DHX30: variants seen among roughly 807,000 people sequenced by gnomAD.
The protein encoded by DHX30 is ATP-dependent RNA helicase DHX30.
DHX30 carries 4 observed loss-of-function variants against 116.9 expected under a neutral mutation model. The ratio of observed to expected loss-of-function variants is 0.03; its 90% CI spans 0.02 to 0.08. The LOEUF (loss-of-function observed/expected upper bound fraction) is 0.08. Among genes scored for constraint, DHX30 ranks in the 10% least tolerant of loss-of-function variants. The pLI, the probability that DHX30 is intolerant of heterozygous loss-of-function variation, is 1.00. For synonymous variants in DHX30, 697 were observed against 651.7 expected, an observed-to-expected ratio of 1.07 and a Z score of -1.06; for missense variants, 871 against 1,595.1, an observed-to-expected ratio of 0.55 and a Z score of 7.73.
intron 3 of DHX30, chr3:47,816,447 T>G (rs1479935172): frequency 3.1e-6 from 3 of 974,378 alleles, no homozygotes; most frequent in Non-Finnish European, 3.6e-6. Context: ...ATCCTCCGCC[T>G]CCCGGGTTCA....
Position 47,810,710 on chromosome 3 carries a change from A to C in DHX30, c.27A>C (p.Lys9Asn). The C allele has an allele frequency of 6.2e-7, 1 of 1,614,076 alleles. No homozygotes were observed. Among genetic ancestry groups the C allele is most frequent in the Non-Finnish European group, 8.5e-7 (1 of 1,179,948 alleles). ...TGTTCAGCCTGGACTCATTCAGAAAAGGTAAGACTGCAACTGTGCTTGTGA... is the reference window on the plus strand; with the variant it reads ...TGTTCAGCCTGGACTCATTCAGAAACGGTAAGACTGCAACTGTGCTTGTGA... MFSLDSFRKDRAQHRQRQC... is the reference protein window; with the variant it reads MFSLDSFRNDRAQHRQRQC... The change falls in exon 3 of 22, where the codon AAA becomes AAC. Residue 9 changes from lysine to asparagine, a missense_variant and splice_region_variant. Coordinates refer to ENST00000445061, the MANE Select transcript of DHX30 (RefSeq NM_138615.3).
In DHX30 at chr3:47,847,546, C is replaced by A; in HGVS notation, c.2110+10C>A. On this transcript the variant is annotated intron_variant, in intron 13 of 21. Coordinates refer to ENST00000445061, the MANE Select transcript of DHX30 (RefSeq NM_138615.3). This position sits in a 1 kb window ranked among gnomAD's most constrained non-coding sequence, Gnocchi z 5.5. ...TACCTCATCCTGCCAGGTGAGAGCC[C>A]CGGCGGAGGGACCAGGGACCTTTGG... The A allele has an allele frequency of 6.3e-7, 1 of 1,588,336 alleles. No individual in the cohort carries two copies. Among genetic ancestry groups the A allele is most frequent in the Admixed American group, 1.8e-5 (1 of 56,226 alleles).
At chr3:47,824,981 C>T in intron 4 of DHX30, 1 of 534,110 alleles carries the variant, frequency 1.9e-6, no homozygotes, top group Middle Eastern at 4.7e-4. Context: ...GGGCCGGCCG[C>T]TCCCGTTCTC....
intron 2 of DHX30, among the ~76,000 whole-genome samples, chr3:47,809,343 G>A (rs1176166860): frequency 2.2e-5 from 3 of 134,704 alleles, no homozygotes; most frequent in African/African-American, 5.5e-5. Context: ...CTGGGTTCAC[G>A]CCATTCTCCT....
chr3:47,827,679 A>C, intron 5 of DHX30, among the ~76,000 whole-genome samples: 1 of 152,176 alleles, frequency 6.6e-6, no homozygotes, highest in East Asian at 1.9e-4. Context: ...AACACAGGGC[A>C]AATGAGGTGC....
At chr3:47,838,220 G>A (rs1428858208) in intron 6 of DHX30, among the ~76,000 whole-genome samples, 1 of 152,164 alleles carries the variant, frequency 6.6e-6, no homozygotes, top group Non-Finnish European at 1.5e-5. Context: ...TGGCCCCATC[G>A]TCTGTCCCAT....
rs189219993 is a variant in DHX30, at chr3:47,808,418, A to G, written c.-27-2239A>G. 6.2e-4 allele frequency among the ~76,000 whole-genome samples: 93 copies of G among 150,908 alleles called. 1 individual carries two copies. Among genetic ancestry groups the G allele is most frequent in the African/African-American group, 1.6e-3 (64 of 41,046 alleles). On this transcript the variant is annotated intron_variant, in intron 2 of 21. Transcript: ENST00000445061. ...TTTTTTTTAGAGATGCGGTCTCACT[A>G]TGTTGCCCAGGCTGGTCTTGAACTC...
chr3:47,846,893 C>T lies in DHX30; in HGVS notation c.1821C>T (p.Pro607=), dbSNP rs760943698. The T allele has an allele frequency of 6.6e-5, 106 of 1,613,096 alleles. No homozygotes were observed. The highest frequency in any genetic ancestry group is 5.0e-4 in the Admixed American group (30 of 59,990). ...TCTCCCGATACTTTGGTGGCTGCCC[C>T]GTCATCAAGGTGCCTGGCTTCATGT... ...ERFSRYFGGC[P]VIKVPGFMYP... is the part of the protein sequence containing the mutation. The change falls in exon 11 of 22, where the codon CCC becomes CCT. Residue 607 remains proline (P), a synonymous_variant. Coordinates refer to ENST00000445061, the MANE Select transcript of DHX30 (RefSeq NM_138615.3).
intron 4 of DHX30, chr3:47,819,168 C>T (rs897503434): frequency 1.5e-6 from 2 of 1,320,620 alleles, no homozygotes; most frequent in South Asian, 1.1e-5. Flanking sequence ...CACCCCCCTA[C>T]CGTTACCAAA....
intron 3 of DHX30, chr3:47,817,096 T>C (rs1316601683): frequency 2.5e-6 from 1 of 401,304 alleles, no homozygotes; most frequent in African/African-American, 2.2e-5. Flanking sequence ...TGAACATCTT[T>C]GTAGAACAGG....
chr3:47,816,168 GAAAA>G, intron 3 of DHX30: 5 of 978,300 alleles, frequency 5.1e-6, no homozygotes, highest in Non-Finnish European at 4.9e-6. Flanking sequence ...AAAATAAAAA[GAAAA>G]AAATCACACA....
At chr3:47,823,149 A>G (rs1009117411) in intron 4 of DHX30, among the ~76,000 whole-genome samples, 2 of 151,792 alleles carry the variant, frequency 1.3e-5, no homozygotes, top group Admixed American at 6.6e-5. Context: ...TTATTAATCT[A>G]TCAGATCTCT....
At chr3:47,827,274 G>T in intron 4 of DHX30, 73 bp from the exon 5 acceptor site, 1 of 1,466,424 alleles carries the variant, frequency 6.8e-7, no homozygotes, top group Non-Finnish European at 9.1e-7. Flanking sequence ...GCCCAGGGTT[G>T]CCCTGATACA....
In DHX30 at chr3:47,846,404, C is replaced by T; in HGVS notation, c.1332C>T (p.Leu444=). The change falls in exon 11 of 22, where the codon CTC becomes CTT. Residue 444 remains leucine, a synonymous_variant. Transcript: ENST00000445061. ...LPVDPHRDTI[L]NAIEQHPVVV... is the part of the protein sequence containing the mutation. ...TGGACCCACATCGGGACACCATCCT[C>T]AACGCCATTGAGCAGCACCCGGTGG... 6.2e-7 allele frequency: 1 copy of T among 1,614,148 alleles called. No individual in the cohort carries two copies. Among genetic ancestry groups the T allele is most frequent in the Non-Finnish European group, 8.5e-7 (1 of 1,180,044 alleles).
In DHX30 at chr3:47,846,359, G is replaced by A. The variant is rs150659659; in HGVS notation, c.1287G>A (p.Gln429=). ...GGCGGCGGCGAGGGCCGGTCTGGCA[G>A]GAGGCCCCCCAGCTACCTGTGGACC... ...ELWRRRGPVW[Q]EAPQLPVDPH... The change falls in exon 11 of 22, where the codon CAG becomes CAA. Residue 429 remains glutamine, a synonymous_variant. Transcript: ENST00000445061. 220 of 1,613,934 alleles carry A rather than the reference G, an allele frequency of 1.4e-4. No homozygotes were observed. The highest frequency in any genetic ancestry group is 1.7e-4 in the Non-Finnish European group (206 of 1,180,048).
chr3:47,837,771 C>G (rs1181867884), intron 6 of DHX30, among the ~76,000 whole-genome samples: 2 of 152,022 alleles, frequency 1.3e-5, no homozygotes, highest in African/African-American at 4.8e-5. Context: ...TAAAAAGGAA[C>G]AACAACAAAA....
intron 5 of DHX30, 36 bp downstream of exon 5, chr3:47,827,513 G>T: frequency 6.3e-7 from 1 of 1,595,234 alleles, no homozygotes; most frequent in South Asian, 1.1e-5. Context: ...ACATTGGTAT[G>T]ACTCAGAAAG....
At chr3:47,816,868 T>G (rs1338020162) in intron 3 of DHX30, 8 of 985,066 alleles carry the variant, frequency 8.1e-6, no homozygotes, top group Non-Finnish European at 9.6e-6. Flanking sequence ...AGTGAACACC[T>G]TTGTATCTAC....
At chr3:47,804,936 GT>G (rs1468687267) in intron 1 of DHX30, among the ~76,000 whole-genome samples, 4 of 152,162 alleles carry the variant, frequency 2.6e-5, no homozygotes, top group Admixed American at 2.6e-4. Flanking sequence ...TTGAGTTATT[GT>G]TATTTTCCCA....
Sources: allele counts gnomAD v4.1 joint callset (sites outside exome capture counted in the v4.1 genomes callset), GRCh38; gene constraint gnomAD v4.1.1; non-coding constraint Gnocchi (gnomAD v3.1); transcripts MANE v1.5; gene names NCBI Gene and HGNC (gene_info 2026-07-23, HGNC 2026-07-21).